Variants in SCN4A observed in about 807,000 individuals in gnomAD.
SCN4A encodes the protein sodium channel protein type 4 subunit alpha.
A neutral mutation model predicts 162.0 loss-of-function variants in SCN4A; 83 were observed. The observed-to-expected ratio is 0.51, with a 90% CI of 0.43 to 0.61. The LOEUF (loss-of-function observed/expected upper bound fraction) is 0.61, where lower values mean the gene tolerates loss of function less well. Ranked by LOEUF, SCN4A falls within the 20% of genes least tolerant of loss-of-function variation. The pLI is 0.00. For synonymous variants in SCN4A, 944 were observed against 985.1 expected (o/e 0.96, Z 0.78); for missense variants, 2,196 against 2,462.5 (o/e 0.89, Z 2.29).
At chr17:63,949,313 T>G in intron 15 of SCN4A, 80 bp downstream of exon 15, 1 of 1,420,090 alleles carries the variant, frequency 7.0e-7, no homozygotes, top group Non-Finnish European at 9.4e-7. Flanking sequence ...TCCGTGTGCT[T>G]TTGGTCCTGG....
intron 15 of SCN4A, 49 bp from the exon 16 acceptor site, chr17:63,948,814 G>T (rs781700158): frequency 4.6e-6 from 7 of 1,532,808 alleles, no homozygotes; most frequent in Non-Finnish European, 5.3e-6. Flanking sequence ...ATGGGCCTGG[G>T]GTTGCCTTGG....
rs776019456 is a variant in SCN4A at position 63,945,204 on chromosome 17, A to C, written c.3721-144T>G. The C allele has an allele frequency of 4.0e-5, 40 of 1,012,586 alleles. No individual in the cohort carries two copies. Among genetic ancestry groups the C allele is most frequent in the Non-Finnish European group, 5.5e-5 (37 of 673,548 alleles). The allele number at this position is 1,012,586 out of a possible 1,614,324, so 62.7% of individuals were successfully genotyped here. A position where few individuals can be genotyped will look rare whatever the true frequency, so the allele number is the denominator to read the frequency against. On this transcript the variant is annotated intron_variant, in intron 19 of 23. Transcript: ENST00000435607. This position sits in a 1 kb window ranked among gnomAD's most constrained non-coding sequence, Gnocchi z 4.4. Reference sequence around the variant, plus strand: ...ACTGGGCTAGCATCAAATAAAGACCAGAGAGGTCTAGACACTGCCTGGGGA... The same window carrying C: ...ACTGGGCTAGCATCAAATAAAGACCCGAGAGGTCTAGACACTGCCTGGGGA...
At chr17:63,946,404 G>A (rs991485697) in intron 18 of SCN4A, among the ~76,000 whole-genome samples, 2 of 151,484 alleles carry the variant, frequency 1.3e-5, no homozygotes, top group East Asian at 1.9e-4. Flanking sequence ...AATTTGTCCC[G>A]CTGGAGCAGG....
chr17:63,961,043 C>T (rs1909232582), intron 11 of SCN4A, 150 bp downstream of exon 11: 1 of 223,680 alleles, frequency 4.5e-6, no homozygotes, highest in African/African-American at 2.7e-5. Flanking sequence ...CCCACATCAA[C>T]TCATGCCTCC....
In SCN4A at chr17:63,949,504, C is replaced by T. The variant is rs2144784519; in HGVS notation, c.2878G>A (p.Gly960Arg). The change falls in exon 15 of 24, where the codon GGG becomes AGG. Residue 960 changes from glycine (G) to arginine (R), a missense_variant. Physicochemically the swap from Gly to Arg is moderately radical, Grantham distance 125. Transcript: ENST00000435607. Reference protein sequence around the residue: ...SKKPPQPLYDGNSSVCSTADY... With the variant: ...SKKPPQPLYDRNSSVCSTADY... ...GCTGTGCTGCAGACGGACGAGTTCC[C>T]ATCATAGAGAGGCTGCGGCGGCTTC... is the stretch of plus-strand genomic sequence containing the variant. 2 of 1,611,138 alleles carry T rather than the reference C, an allele frequency of 1.2e-6. No homozygotes were observed. The highest frequency in any genetic ancestry group is 8.5e-7 in the Non-Finnish European group (1 of 1,177,912).
chr17:63,943,053 G>T lies in SCN4A; in HGVS notation c.4061C>A (p.Ala1354Asp). 1 of 1,613,812 alleles carries T rather than the reference G, an allele frequency of 6.2e-7. No individual in the cohort carries two copies. Among genetic ancestry groups the T allele is most frequent in the Non-Finnish European group, 8.5e-7 (1 of 1,179,752 alleles). ...GMVYDLVTKQ[A>D]FDITIMILIC... ...GAGGATCATGATGGTGATGTCGAAGGCCTGCTTCGTCACGAGGTCATACAC... is the reference window on the plus strand; with the variant it reads ...GAGGATCATGATGGTGATGTCGAAGTCCTGCTTCGTCACGAGGTCATACAC... The change falls in exon 23 of 24, where the codon GCC becomes GAC. Residue 1354 changes from alanine (A) to aspartate (D), a missense_variant. Physicochemically the swap from Ala to Asp is moderately radical, Grantham distance 126. Transcript: ENST00000435607.
At chr17:63,962,497 T>A (rs1028973979) in intron 10 of SCN4A, among the ~76,000 whole-genome samples, 1 of 152,070 alleles carries the variant, frequency 6.6e-6, no homozygotes, top group Non-Finnish European at 1.5e-5. Flanking sequence ...TGGGGACACA[T>A]TCGGAGTGTC....
intron 10 of SCN4A, among the ~76,000 whole-genome samples, chr17:63,963,113 CATCT>C (rs1227063957): frequency 6.6e-6 from 1 of 152,186 alleles, no homozygotes; most frequent in African/African-American, 2.4e-5. Flanking sequence ...TCCGTCCATC[CATCT>C]GTCCATCCAT....
In SCN4A at chr17:63,972,778, G is replaced by A. The variant is rs865873054; in HGVS notation, c.64C>T (p.Arg22Trp). The A allele has an allele frequency of 1.1e-5, 17 of 1,613,570 alleles. No homozygotes were observed. The highest frequency in any genetic ancestry group is 5.0e-5 in the Admixed American group (3 of 59,972). Reference protein sequence around the residue: ...LGPECLRPFTRESLAAIEQRA... With the variant: ...LGPECLRPFTWESLAAIEQRA... ...TGTTCTATGGCTGCCAGTGACTCCC[G>A]GGTGAAGGGGCGCAAGCACTCAGGG... The change falls in exon 1 of 24, where the codon CGG becomes TGG. Residue 22 changes from arginine to tryptophan, a missense_variant. Arg to Trp is a moderately radical substitution (Grantham distance 101). Coordinates refer to ENST00000435607, the MANE Select transcript of SCN4A (RefSeq NM_000334.4). The surrounding 1 kb of genome is among the most constrained non-coding windows in gnomAD (Gnocchi z 4.3).
In SCN4A at chr17:63,961,239, T is replaced by TGTTCC; in HGVS notation, c.1798_1799insGGAAC (p.Tyr600TrpfsTer5). 7.4e-7 allele frequency: 1 copy of TGTTCC among 1,345,882 alleles called. No individual in the cohort carries two copies. Among genetic ancestry groups the TGTTCC allele is most frequent in the Non-Finnish European group, 9.8e-7 (1 of 1,020,804 alleles). The allele number at this position is 1,345,882 out of a possible 1,614,324, so 83.4% of individuals were successfully genotyped here. A position where few individuals can be genotyped will look rare whatever the true frequency, so the allele number is the denominator to read the frequency against. On this transcript the variant is annotated frameshift_variant, in exon 11 of 24. Coordinates refer to ENST00000435607, the MANE Select transcript of SCN4A (RefSeq NM_000334.4). LOFTEE classifies it high-confidence loss of function. The stretch of plus-strand genomic sequence containing the variant: ...GTTGTCAAAGTGCTCCGTCATGGGG[T>TGTTCC]AATGTTCCATGGCCATGAAGAGGGT...
rs780067671 is a variant in SCN4A at position 63,945,561 on chromosome 17, G to T, written c.3519C>A (p.Ile1173=). The T allele has an allele frequency of 6.2e-7, 1 of 1,614,026 alleles. No individual in the cohort carries two copies. The highest frequency in any genetic ancestry group is 8.5e-7 in the Non-Finnish European group (1 of 1,179,904). The change falls in exon 19 of 24, where the codon ATC becomes ATA. Residue 1173 remains isoleucine, a synonymous_variant. Coordinates refer to ENST00000435607, the MANE Select transcript of SCN4A (RefSeq NM_000334.4). The surrounding 1 kb of genome is among the most constrained non-coding windows in gnomAD (Gnocchi z 4.4). ...VLLVCLIFWL[I]FSIMGVNLFA... is the part of the protein sequence containing the mutation. ...ACAGGTTGACACCCATGATGCTGAA[G>T]ATCAGCCAGAAGATGAGGCAGACAA... is the stretch of plus-strand genomic sequence containing the variant.
chr17:63,972,914 G>GCTGGGCGGCCGCCCCTCC lies in SCN4A; in HGVS notation c.-74_-73insGGAGGGGCGGCCGCCCAG. 6.8e-7 allele frequency: 1 copy of GCTGGGCGGCCGCCCCTCC among 1,468,374 alleles called. No homozygotes were observed. Among genetic ancestry groups the GCTGGGCGGCCGCCCCTCC allele is most frequent in the Non-Finnish European group, 9.0e-7 (1 of 1,108,030 alleles). 91.0% of individuals were successfully genotyped at this position (1,468,374 alleles called of 1,614,324 possible). On this transcript the variant is annotated 5_prime_UTR_variant, in exon 1 of 24. Coordinates refer to ENST00000435607, the MANE Select transcript of SCN4A (RefSeq NM_000334.4). This position sits in a 1 kb window ranked among gnomAD's most constrained non-coding sequence, Gnocchi z 4.3. Reference sequence around the variant, plus strand: ...GAGCTGCAGTGCGCAGCCCCGGGGTGCTGGGCGGCCGCCCCTCCCTGGGCG... The same window carrying GCTGGGCGGCCGCCCCTCC: ...GAGCTGCAGTGCGCAGCCCCGGGGTGCTGGGCGGCCGCCCCTCCCTGGGCGGCCGCCCCTCCCTGGGCG...
chr17:63,942,748 G>A (rs1908582270), intron 23 of SCN4A, 78 bp downstream of exon 23: 1 of 1,431,730 alleles, frequency 7.0e-7, no homozygotes, highest in Non-Finnish European at 9.6e-7. Flanking sequence ...TGCAGGGGCA[G>A]GTGTGTCCGT....
In SCN4A at chr17:63,940,803, C is replaced by G; in HGVS notation, c.5479G>C (p.Val1827Leu). 6.3e-7 allele frequency: 1 copy of G among 1,591,282 alleles called. No individual in the cohort carries two copies. Among genetic ancestry groups the G allele is most frequent in the Non-Finnish European group, 8.6e-7 (1 of 1,166,876 alleles). Residue 1827 changes from valine to leucine, a missense_variant, in exon 24 of 24, where the codon GTG becomes CTG. Physicochemically the swap from Val to Leu is conservative, Grantham distance 32. Coordinates refer to ENST00000435607, the MANE Select transcript of SCN4A (RefSeq NM_000334.4). Reference protein sequence around the residue: ...WPPAPPPGQTVRPGVKESLV With the variant: ...WPPAPPPGQTLRPGVKESLV ...AGAGACTCCTTGACACCTGGGCGCA[C>G]AGTCTGCCCTGGGGGAGGGGCGGGA...
chr17:63,947,790 C>T (rs1049499401), intron 17 of SCN4A, 100 bp downstream of exon 17: 3 of 1,217,694 alleles, frequency 2.5e-6, no homozygotes, highest in Non-Finnish European at 3.4e-6. Flanking sequence ...CTGGGGGTGG[C>T]CTCGGGCAGG....
rs1405105076 is a variant in SCN4A at position 63,959,327 on chromosome 17, T to C, written c.1957A>G (p.Ser653Gly). ...NIFDSIIVTL[S>G]LVELGLANVQ... ...TTGGCCAGGCCTAGCTCTACCAGGCTGAGGGTGACGATGATGCTGTCGAAG... is the reference window on the plus strand; with the variant it reads ...TTGGCCAGGCCTAGCTCTACCAGGCCGAGGGTGACGATGATGCTGTCGAAG... The change falls in exon 12 of 24, where the codon AGC becomes GGC. Residue 653 changes from serine (S) to glycine (G), a missense_variant. By Grantham distance (56) the Ser-to-Gly change is moderately conservative (BLOSUM62 0). Coordinates refer to ENST00000435607, the MANE Select transcript of SCN4A (RefSeq NM_000334.4). 2 of 1,613,872 alleles carry C rather than the reference T, an allele frequency of 1.2e-6. No individual in the cohort carries two copies. The highest frequency in any genetic ancestry group is 1.7e-6 in the Non-Finnish European group (2 of 1,179,882).
At chr17:63,971,931 G>A (rs1909623936) in intron 3 of SCN4A, 81 bp from the exon 4 acceptor site, 1 of 1,472,752 alleles carries the variant, frequency 6.8e-7, no homozygotes, top group South Asian at 1.1e-5. Context: ...CCAGAAGGGA[G>A]GGACACAGAA....
rs917474394 is a variant in SCN4A, at chr17:63,940,599, C to T, written c.*172G>A. On this transcript the variant is annotated 3_prime_UTR_variant, in exon 24 of 24. Transcript: ENST00000435607. ...ATTCCCATTTCCCATGGTCTGGGAACGCAGGCGCTCGGGCCTGGGTGTCAG... is the reference window on the plus strand; with the variant it reads ...ATTCCCATTTCCCATGGTCTGGGAATGCAGGCGCTCGGGCCTGGGTGTCAG... 1.9e-5 allele frequency: 13 copies of T among 679,494 alleles called. No individual in the cohort carries two copies. The highest frequency in any genetic ancestry group is 3.4e-5 in the Admixed American group (1 of 29,354). 42.1% of individuals were successfully genotyped at this position (679,494 alleles called of 1,614,324 possible).
chr17:63,970,472 T>C (rs896707489), intron 5 of SCN4A, among the ~76,000 whole-genome samples: 2 of 152,038 alleles, frequency 1.3e-5, no homozygotes, highest in African/African-American at 4.8e-5. Flanking sequence ...AATCTGTGCT[T>C]TTTTCTTTTG....
Sources: allele counts gnomAD v4.1 joint callset (sites outside exome capture counted in the v4.1 genomes callset), GRCh38; gene constraint gnomAD v4.1.1; non-coding constraint Gnocchi (gnomAD v3.1); transcripts MANE v1.5; gene names NCBI Gene and HGNC (gene_info 2026-07-23, HGNC 2026-07-21).